The following PNOC variants were observed in gnomAD, a reference collection of about 807,000 sequenced individuals.
PNOC encodes the protein prepronociceptin, also known as nociceptin.
In PNOC, 10 loss-of-function variants were observed where a neutral mutation model predicts 15.6. The observed-to-expected ratio is 0.64, with a 90% CI of 0.40 to 1.09. The LOEUF is 1.09. PNOC is among the 50% of genes least tolerant of loss of function. The pLI, the probability that PNOC is intolerant of heterozygous loss-of-function variation, is 0.01. For missense variants in PNOC, 220 were observed against 223.9 expected (o/e 0.98, Z 0.11); for synonymous variants, 98 against 88.5 (o/e 1.11, Z -0.60).
At chr8:28,324,947 C>T (rs545858712) in intron 1 of PNOC, among the ~76,000 whole-genome samples, 1 of 152,258 alleles carries the variant, frequency 6.6e-6, no homozygotes, top group South Asian at 2.1e-4. Flanking sequence ...TATTGCCTGT[C>T]AGTTCTATTT....
chr8:28,335,453 G>A (rs1801396073), intron 2 of PNOC, among the ~76,000 whole-genome samples: 1 of 152,192 alleles, frequency 6.6e-6, no homozygotes. Flanking sequence ...GTAAAATTAA[G>A]TTTTTAATTC....
At chr8:28,335,110 G>A (rs776673639) in intron 2 of PNOC, among the ~76,000 whole-genome samples, 11 of 152,236 alleles carry the variant, frequency 7.2e-5, no homozygotes, top group Non-Finnish European at 1.5e-4. Context: ...CCCTGCCAGG[G>A]AAGGAAAGGG....
chr8:28,317,312 C>G lies in PNOC; in HGVS notation c.-28C>G, dbSNP rs1384563250. 4 of 152,474 alleles carry G rather than the reference C, an allele frequency of 2.6e-5. No homozygotes were observed. Among genetic ancestry groups the G allele is most frequent in the Non-Finnish European group, 5.9e-5 (4 of 68,300 alleles). The allele number at this position is 152,474 out of a possible 1,614,324, so 9.4% of individuals were successfully genotyped here. A position where few individuals can be genotyped will look rare whatever the true frequency, so the allele number is the denominator to read the frequency against. On this transcript the variant is annotated 5_prime_UTR_variant, in exon 1 of 4. Transcript: ENST00000301908. Reference sequence around the variant, plus strand: ...CGGAGGGAGCCGGGGACTGACAGCTCTCAGGTAGGCAACTGCACGGGGCCC... The same window carrying G: ...CGGAGGGAGCCGGGGACTGACAGCTGTCAGGTAGGCAACTGCACGGGGCCC...
intron 2 of PNOC, chr8:28,338,808 C>T (rs1406910890): frequency 8.7e-7 from 1 of 1,153,876 alleles, no homozygotes; most frequent in African/African-American, 1.5e-5. Flanking sequence ...GCTCACCTCT[C>T]TGAGCCCTGG....
intron 2 of PNOC, chr8:28,338,691 C>T: frequency 1.9e-6 from 2 of 1,029,326 alleles, no homozygotes; most frequent in Non-Finnish European, 2.3e-6. Context: ...ATGAGCTGTG[C>T]TTGGCTCCAA....
chr8:28,339,553 T>C, intron 3 of PNOC, 62 bp downstream of exon 3: 1 of 1,312,936 alleles, frequency 7.6e-7, no homozygotes, highest in Non-Finnish European at 9.9e-7. Flanking sequence ...TGTCTTAGCC[T>C]TGCTCCCAGG....
intron 1 of PNOC, among the ~76,000 whole-genome samples, chr8:28,320,850 CAAAA>C (rs900121827): frequency 3.4e-5 from 2 of 58,016 alleles, no homozygotes. Flanking sequence ...GACTCCATCT[CAAAA>C]AAAAAAAAAA....
intron 3 of PNOC, among the ~76,000 whole-genome samples, chr8:28,340,797 A>G (rs997977979): frequency 6.6e-6 from 1 of 152,152 alleles, no homozygotes; most frequent in Non-Finnish European, 1.5e-5. Flanking sequence ...GAGGGGGAAA[A>G]GGGGAGGTCC....
At chr8:28,339,843 G>A (rs1801485419) in intron 3 of PNOC, 1 of 164,310 alleles carries the variant, frequency 6.1e-6, no homozygotes, top group Non-Finnish European at 1.3e-5. Flanking sequence ...ACCTTTCCTC[G>A]AGATTGTCTC....
chr8:28,329,045 T>A (rs563960335), intron 1 of PNOC, 90 bp from the exon 2 acceptor site: 14 of 1,262,710 alleles, frequency 1.1e-5, no homozygotes, highest in Non-Finnish European at 1.6e-5. Flanking sequence ...CAGAGAAGTG[T>A]CTTTCCTGCA....
intron 1 of PNOC, among the ~76,000 whole-genome samples, chr8:28,325,932 G>A (rs1279010536): frequency 6.6e-6 from 1 of 152,142 alleles, no homozygotes; most frequent in African/African-American, 2.4e-5. Context: ...CAATAACCAA[G>A]GCAATAAATC....
chr8:28,341,817 C>A (rs1400661304), intron 3 of PNOC, among the ~76,000 whole-genome samples: 1 of 152,226 alleles, frequency 6.6e-6, no homozygotes, highest in Non-Finnish European at 1.5e-5. Flanking sequence ...TTTCCCCCAA[C>A]ATGCACAGTT....
Position 28,341,592 on chromosome 8 carries a change from T to A in PNOC, c.*48-1350T>A, listed in dbSNP as rs59400920. Among the ~76,000 whole-genome samples the A allele has an allele frequency of 4.9e-3, 739 of 152,312 alleles. 4 individuals carry two copies. Among genetic ancestry groups the A allele is most frequent in the African/African-American group, 0.016 (671 of 41,552 alleles). ...CATTAACAGGAATCCATTTATTTTT[T>A]AAAAAATGATTTGAGCCTCTATCCA... On this transcript the variant is annotated intron_variant, in intron 3 of 3. Coordinates refer to ENST00000301908, the MANE Select transcript of PNOC (RefSeq NM_006228.5).
chr8:28,318,930 C>T (rs1190902235), intron 1 of PNOC, among the ~76,000 whole-genome samples: 1 of 152,224 alleles, frequency 6.6e-6, no homozygotes, highest in Non-Finnish European at 1.5e-5. Context: ...CAAACCTGTG[C>T]TCCCTGGAGC....
chr8:28,340,385 C>A (rs1801496427), intron 3 of PNOC, among the ~76,000 whole-genome samples: 2 of 152,230 alleles, frequency 1.3e-5, no homozygotes, highest in African/African-American at 4.8e-5. Flanking sequence ...AATACCCTAA[C>A]TGATTGCCTG....
chr8:28,339,302 T>C lies in PNOC; in HGVS notation c.389T>C (p.Phe130Ser). 5 of 1,612,126 alleles carry C rather than the reference T, an allele frequency of 3.1e-6. No homozygotes were observed. The highest frequency in any genetic ancestry group is 2.2e-5 in the East Asian group (1 of 44,848). Residue 130 changes from phenylalanine to serine, a missense_variant, in exon 3 of 4, where the codon TTT becomes TCT. Coordinates refer to ENST00000301908, the MANE Select transcript of PNOC (RefSeq NM_006228.5). Reference sequence around the variant, plus strand: ...GAGCAGAAGCAGCTGCAGAAGAGATTTGGGGGCTTCACCGGGGCCCGGAAG... The same window carrying C: ...GAGCAGAAGCAGCTGCAGAAGAGATCTGGGGGCTTCACCGGGGCCCGGAAG... ...EMEQKQLQKR[F>S]GGFTGARKSA...
At chr8:28,319,323 C>G (rs957544928) in intron 1 of PNOC, among the ~76,000 whole-genome samples, 1 of 152,060 alleles carries the variant, frequency 6.6e-6, no homozygotes, top group Admixed American at 6.6e-5. Context: ...ACATGAGAAA[C>G]AATTAGAGGA....
chr8:28,338,929 T>A, intron 2 of PNOC, 111 bp from the exon 3 acceptor site: 1 of 1,133,500 alleles, frequency 8.8e-7, no homozygotes, highest in South Asian at 1.9e-5. Context: ...CTTGATAACT[T>A]AGATGCTTCA....
Position 28,329,210 on chromosome 8 carries a change from T to A in PNOC, c.53T>A (p.Phe18Tyr), listed in dbSNP as rs747622540. 5 of 1,613,938 alleles carry A rather than the reference T, an allele frequency of 3.1e-6. No homozygotes were observed. The East Asian group carries it at 8.9e-5, about 29-fold the overall frequency. The change falls in exon 2 of 4, where the codon TTC becomes TAC. Residue 18 changes from phenylalanine (F) to tyrosine (Y), a missense_variant. Phe to Tyr is a conservative substitution (Grantham distance 22). Transcript: ENST00000301908. ...CTGCTCAGTCTCTTCTCCAGTGTGT[T>A]CAGCAGTTGTCAGAGGGACTGTCTC... ...LLLLSLFSSV[F>Y]SSCQRDCLTC...
Sources: allele counts gnomAD v4.1 joint callset (sites outside exome capture counted in the v4.1 genomes callset), GRCh38; gene constraint gnomAD v4.1.1; transcripts MANE v1.5; gene names NCBI Gene and HGNC (gene_info 2026-07-23, HGNC 2026-07-21).